Variants in ITK observed in about 807,000 individuals in gnomAD.
The protein encoded by ITK is tyrosine-protein kinase ITK/TSK.
In ITK, 45 loss-of-function variants were observed where a neutral mutation model predicts 87.6. That is an observed-to-expected ratio of 0.51 (90% CI 0.40 to 0.66). The LOEUF is 0.66. Among genes scored for constraint, ITK ranks in the 30% least tolerant of loss-of-function variants. ITK has a pLI of 0.00. For missense variants in ITK, 605 were observed against 766.3 expected (o/e 0.79, Z 2.48); for synonymous variants, 303 against 273.6 (o/e 1.11, Z -1.06).
At chr5:157,188,694 G>A (rs1753693381) in intron 1 of ITK, among the ~76,000 whole-genome samples, 1 of 152,150 alleles carries the variant, frequency 6.6e-6, no homozygotes, top group South Asian at 2.1e-4. Flanking sequence ...GGAATCTTGG[G>A]TCACTGCAAC....
At chr5:157,191,560 T>C (rs1028223193) in intron 1 of ITK, among the ~76,000 whole-genome samples, 15 of 152,224 alleles carry the variant, frequency 9.9e-5, no homozygotes, top group African/African-American at 3.6e-4. Flanking sequence ...TTTTCCCTCA[T>C]GCAGATGTAT....
intron 3 of ITK, chr5:157,213,753 T>A (rs1754240681): frequency 2.9e-6 from 1 of 349,172 alleles, no homozygotes; most frequent in Non-Finnish European, 5.6e-6. Flanking sequence ...AAATCTTACT[T>A]CAAAGCCACA....
intron 10 of ITK, chr5:157,241,387 G>A (rs1049204041): frequency 2.4e-5 from 5 of 206,626 alleles, no homozygotes; most frequent in Non-Finnish European, 4.8e-5. Flanking sequence ...AGAAAAATAT[G>A]ACAAATATTT....
rs80231455 is a variant in ITK at position 157,252,563 on chromosome 5, G to A, written c.1792-44G>A. 7,136 of 1,429,748 alleles carry A rather than the reference G, an allele frequency of 5.0e-3. 298 individuals carry two copies. The African/African-American group carries it at 0.086, about 17-fold the overall frequency. 88.6% of individuals were successfully genotyped at this position (1,429,748 alleles called of 1,614,324 possible). A position where few individuals can be genotyped will look rare whatever the true frequency, so the allele number is the denominator to read the frequency against. On this transcript the variant is annotated intron_variant, in intron 16 of 16. Coordinates refer to ENST00000422843, the MANE Select transcript of ITK (RefSeq NM_005546.4). Reference sequence around the variant, plus strand: ...GGTTTGTTTTGGATTTACCTATGACGCATAAGTACAAGGAACTTACAGAGT... The same window carrying A: ...GGTTTGTTTTGGATTTACCTATGACACATAAGTACAAGGAACTTACAGAGT...
chr5:157,201,350 T>C (rs1157334323), intron 1 of ITK, among the ~76,000 whole-genome samples: 12 of 143,964 alleles, frequency 8.3e-5, no homozygotes, highest in Non-Finnish European at 1.5e-4. Context: ...CAGGCTGGAG[T>C]ACAGTGGCAT....
At chr5:157,245,149 C>T in intron 13 of ITK, 1 of 173,108 alleles carries the variant, frequency 5.8e-6, no homozygotes, top group Non-Finnish European at 1.2e-5. Context: ...CACTTGAACC[C>T]AGGAGGCAGA....
At chr5:157,237,924 T>A (rs1754809757) in intron 8 of ITK, among the ~76,000 whole-genome samples, 185 bp from the exon 9 acceptor site, 1 of 152,228 alleles carries the variant, frequency 6.6e-6, no homozygotes, top group Non-Finnish European at 1.5e-5. Context: ...GGGATCCATG[T>A]AGGAGACCAA....
intron 1 of ITK, among the ~76,000 whole-genome samples, chr5:157,196,995 A>G (rs1036779486): frequency 1.3e-5 from 2 of 152,310 alleles, no homozygotes; most frequent in South Asian, 2.1e-4. Flanking sequence ...TAATTTCCAC[A>G]TAAGTCCTTT....
intron 5 of ITK, among the ~76,000 whole-genome samples, chr5:157,221,776 C>A (rs1029920216): frequency 6.6e-6 from 1 of 152,078 alleles, no homozygotes; most frequent in African/African-American, 2.4e-5. Context: ...GCTCTTAGAG[C>A]AAAAGCCTCA....
chr5:157,198,552 A>AGC (rs1236451450), intron 1 of ITK, among the ~76,000 whole-genome samples: 2 of 152,154 alleles, frequency 1.3e-5, no homozygotes, highest in African/African-American at 4.8e-5. Context: ...TGTGGGATGG[A>AGC]TCAGTTTCCT....
chr5:157,249,909 C>T (rs1265914237), intron 16 of ITK, among the ~76,000 whole-genome samples: 1 of 152,120 alleles, frequency 6.6e-6, no homozygotes, highest in African/African-American at 2.4e-5. Flanking sequence ...CACTTTTTCC[C>T]TCTTTTAACC....
Position 157,240,065 on chromosome 5 carries a change from G to A in ITK, c.855G>A (p.Glu285=), listed in dbSNP as rs751900199. Residue 285 remains glutamate (E), a synonymous_variant, in exon 10 of 17, where the codon GAG becomes GAA. Coordinates refer to ENST00000422843, the MANE Select transcript of ITK (RefSeq NM_005546.4). ...VSVFTKAVVS[E]NNPCIKHYHI... ...ATTTGTGTTTCATTTGTTTAAGTGA[G>A]AACAATCCCTGTATAAAGCATTATC... 1.2e-6 allele frequency: 2 copies of A among 1,611,848 alleles called. No homozygotes were observed. Among genetic ancestry groups the A allele is most frequent in the Non-Finnish European group, 1.7e-6 (2 of 1,178,010 alleles).
At chr5:157,249,030 C>CAT in intron 16 of ITK, 23 bp downstream of exon 16, 1 of 1,608,184 alleles carries the variant, frequency 6.2e-7, no homozygotes, top group Non-Finnish European at 8.5e-7. Context: ...AGTGCTTCCC[C>CAT]ATGCATTGTC....
chr5:157,223,164 A>T, intron 6 of ITK, 150 bp downstream of exon 6: 1 of 1,032,838 alleles, frequency 9.7e-7, no homozygotes, highest in Non-Finnish European at 1.5e-6. Flanking sequence ...GAGGAAGAGG[A>T]AGTAGTTGAG....
chr5:157,180,889 T>A lies in ITK; in HGVS notation c.-89T>A. ...AGCAGCTCTCTGAAGATCAACTGCC[T>A]CCACATTGCATTCTTTGCCCCAAAA... On this transcript the variant is annotated 5_prime_UTR_variant, in exon 1 of 17. Transcript: ENST00000422843. 2.0e-5 allele frequency: 26 copies of A among 1,317,042 alleles called. No individual in the cohort carries two copies. The highest frequency in any genetic ancestry group is 2.6e-5 in the Non-Finnish European group (24 of 915,690). 81.6% of individuals were successfully genotyped at this position (1,317,042 alleles called of 1,614,324 possible).
chr5:157,191,642 T>C lies in ITK; in HGVS notation c.138+10527T>C, dbSNP rs144789976. Reference sequence around the variant, plus strand: ...TTTTCTATCTATTCTTTCATATAAATGTATTTCCATATATCTACAATGCCT... The same window carrying C: ...TTTTCTATCTATTCTTTCATATAAACGTATTTCCATATATCTACAATGCCT... On this transcript the variant is annotated intron_variant, in intron 1 of 16. Transcript: ENST00000422843. Among the ~76,000 whole-genome samples, 405 of 152,342 alleles carry C rather than the reference T, an allele frequency of 2.7e-3. 3 individuals are homozygous for C. The highest frequency in any genetic ancestry group is 9.1e-3 in the African/African-American group (380 of 41,590).
chr5:157,222,795 C>CTGGGGA (rs1561657351), intron 5 of ITK, 68 bp from the exon 6 acceptor site: 1 of 1,515,824 alleles, frequency 6.6e-7, no homozygotes, highest in East Asian at 2.3e-5. Flanking sequence ...CCCAGACACC[C>CTGGGGA]CGATGAAAGG....
At chr5:157,207,724 C>T (rs1283943684) in intron 1 of ITK, among the ~76,000 whole-genome samples, 1 of 152,108 alleles carries the variant, frequency 6.6e-6, no homozygotes, top group Non-Finnish European at 1.5e-5. Context: ...AAAATTAAGT[C>T]TACAAGTCCA....
intron 1 of ITK, among the ~76,000 whole-genome samples, chr5:157,208,453 A>T (rs571349107): frequency 1.3e-5 from 2 of 152,304 alleles, no homozygotes; most frequent in South Asian, 2.1e-4. Flanking sequence ...AGGCAGAAAA[A>T]AAAAGGTGCC....
Sources: allele counts gnomAD v4.1 joint callset (sites outside exome capture counted in the v4.1 genomes callset), GRCh38; gene constraint gnomAD v4.1.1; transcripts MANE v1.5; gene names NCBI Gene and HGNC (gene_info 2026-07-23, HGNC 2026-07-21).